GAK: variants seen among roughly 807,000 people sequenced by gnomAD.
The protein encoded by GAK is cyclin G associated kinase.
GAK carries 79 observed loss-of-function variants against 143.9 expected under a neutral mutation model. The ratio of observed to expected loss-of-function variants is 0.55; its 90% CI spans 0.46 to 0.66. The LOEUF (loss-of-function observed/expected upper bound fraction) is 0.66. Among genes scored for constraint, GAK ranks in the 30% least tolerant of loss-of-function variants. GAK has a pLI of 0.00. For missense variants in GAK, 1,693 were observed against 1,779.7 expected, an observed-to-expected ratio of 0.95 and a Z score of 0.88; for synonymous variants, 881 against 765.5, an observed-to-expected ratio of 1.15 and a Z score of -2.49.
At chr4:884,320 G>A (rs1715803849) in intron 11 of GAK, 1 of 538,634 alleles carries the variant, frequency 1.9e-6, no homozygotes, top group Non-Finnish European at 3.3e-6. Flanking sequence ...GCAGCTGGTG[G>A]AGGCATGGGT....
chr4:927,188 C>T (rs1724950893), intron 1 of GAK, among the ~76,000 whole-genome samples: 1 of 58,024 alleles, frequency 1.7e-5, no homozygotes. Context: ...CCTCCCGGCT[C>T]ACCTGCAGTC....
intron 18 of GAK, chr4:872,167 T>C (rs1712782745): frequency 6.6e-6 from 1 of 152,176 alleles, no homozygotes; most frequent in South Asian, 2.1e-4. Flanking sequence ...CTGTGATGTG[T>C]GAAAGGCCTC....
chr4:885,267 A>T (rs904188963), intron 11 of GAK, among the ~76,000 whole-genome samples: 2 of 152,144 alleles, frequency 1.3e-5, no homozygotes, highest in African/African-American at 2.4e-5. Flanking sequence ...CCTATAATCT[A>T]ATCACCGGTA....
At chr4:855,770 C>A (rs1423503029) in intron 24 of GAK, among the ~76,000 whole-genome samples, 8 of 152,178 alleles carry the variant, frequency 5.3e-5, no homozygotes, top group Non-Finnish European at 1.2e-4. Flanking sequence ...GCCTGGCCAA[C>A]ATGGTGAAAC....
rs143421185 is a variant in GAK, at chr4:908,560, G to A, written c.382+3113C>T. Among the ~76,000 whole-genome samples the A allele has an allele frequency of 1.3e-3, 192 of 152,294 alleles. No individual in the cohort carries two copies. In the Middle Eastern group the frequency reaches 0.024, roughly 19 times the overall value. ...CACCTGTAATCCCAGTGCTACAGGTGTTGCTTGAGCTCGCGTGTTCAAGAC... is the reference window on the plus strand; with the variant it reads ...CACCTGTAATCCCAGTGCTACAGGTATTGCTTGAGCTCGCGTGTTCAAGAC... On this transcript the variant is annotated intron_variant, in intron 4 of 27. Coordinates refer to ENST00000314167, the MANE Select transcript of GAK (RefSeq NM_005255.4).
chr4:858,579 G>A (rs1749700655), intron 24 of GAK, among the ~76,000 whole-genome samples: 1 of 152,240 alleles, frequency 6.6e-6, no homozygotes, highest in Non-Finnish European at 1.5e-5. Context: ...CGACAGAAAC[G>A]CTCATGGATG....
chr4:857,521 T>C (rs1749500122), intron 24 of GAK, among the ~76,000 whole-genome samples: 1 of 152,238 alleles, frequency 6.6e-6, no homozygotes, highest in African/African-American at 2.4e-5. Context: ...TACTTGATAT[T>C]GGGTAAGTTG....
Position 851,886 on chromosome 4 carries a change from C to T in GAK, c.3372G>A (p.Pro1124=), listed in dbSNP as rs767829625. 28 of 1,610,336 alleles carry T rather than the reference C, an allele frequency of 1.7e-5. No individual in the cohort carries two copies. The highest frequency in any genetic ancestry group is 4.0e-5 in the African/African-American group (3 of 74,836). The change falls in exon 25 of 28, where the codon CCG becomes CCA. Residue 1124 remains proline (P), a synonymous_variant. Coordinates refer to ENST00000314167, the MANE Select transcript of GAK (RefSeq NM_005255.4). The part of the protein sequence containing the change: ...KGSSSWQTSR[P]PAQGASWPPQ... The stretch of plus-strand genomic sequence containing the variant: ...GGGGCCATGAGGCGCCCTGGGCTGG[C>T]GGCCGACTTGTCTGCCAGGAGCTGC...
In GAK at chr4:856,659, A is replaced by AGCTGCTCACACCT. The variant is rs1560282009; in HGVS notation, c.3283+2946_3283+2947insAGGTGTGAGCAGC. On this transcript the variant is annotated intron_variant, in intron 24 of 27. Coordinates refer to ENST00000314167, the MANE Select transcript of GAK (RefSeq NM_005255.4). ...ACAGCTGCTCACACCTGCTCACCAT[A>AGCTGCTCACACCT]GCTCACCACAGCTGCTCACACCTGC... Among the ~76,000 whole-genome samples, 9 of 54,438 alleles carry AGCTGCTCACACCT rather than the reference A, an allele frequency of 1.7e-4. No individual in the cohort carries two copies. In the South Asian group the frequency reaches 5.2e-3, roughly 31 times the overall value. 35.7% of individuals were successfully genotyped at this position (54,438 alleles called of 152,430 possible).
chr4:883,244 C>T, intron 13 of GAK, 71 bp downstream of exon 13: 2 of 1,552,240 alleles, frequency 1.3e-6, no homozygotes, highest in Non-Finnish European at 1.7e-6. Context: ...CCAAAGCCCT[C>T]AGCTATGCCC....
chr4:909,438 G>A (rs918041914), intron 4 of GAK, among the ~76,000 whole-genome samples: 2 of 152,194 alleles, frequency 1.3e-5, no homozygotes, highest in Admixed American at 6.5e-5. Flanking sequence ...CCCGGTATGC[G>A]CACGGGAAGG....
In GAK at chr4:849,690, A is replaced by G. The variant is rs772658680; in HGVS notation, c.3919T>C (p.Ser1307Pro). 2.5e-6 allele frequency: 4 copies of G among 1,612,718 alleles called. No individual in the cohort carries two copies. The African/African-American group carries it at 5.3e-5, about 22-fold the overall frequency. Residue 1307 changes from serine to proline, a missense_variant, in exon 28 of 28, where the codon TCC (serine) becomes CCC (proline). Ser to Pro is a moderately conservative substitution (Grantham distance 74, BLOSUM62 -1). Transcript: ENST00000314167. The stretch of plus-strand genomic sequence containing the variant: ...CTGCGGCCTCAGAAGAGGGGCCGGG[A>G]GCCCTGGTTCTCAAACTCCGACCAG... ...DAWSEFENQG[S>P]RPLF
At chr4:922,471 C>T (rs1285281573) in intron 1 of GAK, among the ~76,000 whole-genome samples, 2 of 147,562 alleles carry the variant, frequency 1.4e-5, no homozygotes, top group African/African-American at 5.0e-5. Context: ...GCTGAGATTG[C>T]GCCACTGCAC....
intron 1 of GAK, 75 bp downstream of exon 1, chr4:931,968 C>T (rs1725928021): frequency 1.8e-6 from 2 of 1,120,182 alleles, no homozygotes. Context: ...CCTTCCACTC[C>T]GGGCTGACGC....
At chr4:869,123 C>A in intron 19 of GAK, 1 of 118,722 alleles carries the variant, frequency 8.4e-6, no homozygotes, top group Non-Finnish European at 1.7e-5. Flanking sequence ...TACACGAATG[C>A]ACAGACAGCA....
intron 4 of GAK, among the ~76,000 whole-genome samples, chr4:905,850 C>T (rs1012126582): frequency 6.6e-6 from 1 of 152,284 alleles, no homozygotes; most frequent in African/African-American, 2.4e-5. Context: ...TTCCTTCCTT[C>T]AGCTGCTGCA....
chr4:897,680 C>T (rs1247400780), intron 6 of GAK, among the ~76,000 whole-genome samples: 4 of 152,208 alleles, frequency 2.6e-5, no homozygotes, highest in African/African-American at 9.7e-5. Context: ...TATTACATTG[C>T]TCACGCCTGT....
intron 11 of GAK, chr4:888,633 C>G (rs1000354953): frequency 5.1e-6 from 3 of 587,364 alleles, no homozygotes; most frequent in Non-Finnish European, 8.7e-6. Flanking sequence ...GGCCTTGCCC[C>G]CCAGGCGATG....
At position 904,750 on chromosome 4, in the gene GAK, C is replaced by T; in HGVS notation, c.412G>A (p.Glu138Lys). The change falls in exon 5 of 28, where the codon GAA becomes AAA. Residue 138 changes from glutamate to lysine, a missense_variant. Glu to Lys is a moderately conservative substitution (Grantham distance 56, BLOSUM62 1). Around this residue, in one of 2 missense-constraint regions of GAK, gnomAD observed 871 missense variants for 991.0 expected, o/e 0.88. Coordinates refer to ENST00000314167, the MANE Select transcript of GAK (RefSeq NM_005255.4). ...TCGCACGAAAGGGGGCCTCGAGATTCCATTTTCTTCAAAAATTCCACCAGC... is the reference window on the plus strand; with the variant it reads ...TCGCACGAAAGGGGGCCTCGAGATTTCATTTTCTTCAAAAATTCCACCAGC... ...GQLVEFLKKMESRGPLSCDTV... is the reference protein window; with the variant it reads ...GQLVEFLKKMKSRGPLSCDTV... 3 of 1,614,162 alleles carry T rather than the reference C, an allele frequency of 1.9e-6. No individual in the cohort carries two copies. In the East Asian group the frequency reaches 6.7e-5, roughly 36 times the overall value.
Sources: gnomAD v4.1 joint callset for allele counts (sites outside exome capture counted in the v4.1 genomes callset) on GRCh38, gnomAD v4.1.1 for gene constraint, gnomAD v4.1.1 regional missense constraint, MANE v1.5 for transcripts, NCBI Gene and HGNC (gene_info 2026-07-23, HGNC 2026-07-21) for gene names.